SDK1: variants seen among roughly 807,000 people sequenced by gnomAD.
SDK1 encodes the protein sidekick cell adhesion molecule 1, also known as protein sidekick-1.
Under a neutral mutation model 245.5 loss-of-function variants are expected in SDK1, and 157 were observed. The ratio of observed to expected loss-of-function variants is 0.64; its 90% CI spans 0.56 to 0.73. The LOEUF (loss-of-function observed/expected upper bound fraction) is 0.73, where lower values mean the gene tolerates loss of function less well. Ranked by LOEUF, SDK1 falls within the 30% of genes least tolerant of loss-of-function variation. SDK1 has a pLI of 0.00. For synonymous variants in SDK1, 1,647 were observed against 1,278.5 expected (o/e 1.29, Z -6.15); for missense variants, 3,583 against 3,002.3 (o/e 1.19, Z -4.52).
intron 1 of SDK1, among the ~76,000 whole-genome samples, chr7:3,383,871 T>C (rs1781548002): frequency 6.6e-6 from 1 of 152,240 alleles, no homozygotes; most frequent in South Asian, 2.1e-4. Flanking sequence ...AAAAATATTT[T>C]CTCTTTAGAG....
chr7:3,939,960 A>G (rs918453071), intron 5 of SDK1, among the ~76,000 whole-genome samples: 1 of 152,256 alleles, frequency 6.6e-6, no homozygotes, highest in Non-Finnish European at 1.5e-5. Flanking sequence ...CCAGCCCATG[A>G]AAAACCACCA....
chr7:3,480,160 T>G (rs1351374411), intron 1 of SDK1, among the ~76,000 whole-genome samples: 2 of 152,182 alleles, frequency 1.3e-5, no homozygotes, highest in Non-Finnish European at 2.9e-5. Flanking sequence ...GGGTCCAGTA[T>G]AATCACAAGT....
chr7:3,537,033 A>C (rs1393272601), intron 1 of SDK1, among the ~76,000 whole-genome samples: 1 of 152,202 alleles, frequency 6.6e-6, no homozygotes, highest in Non-Finnish European at 1.5e-5. Flanking sequence ...ACAGATTTTA[A>C]CTATACCCTC....
chr7:3,353,935 G>T (rs1780726446), intron 1 of SDK1, among the ~76,000 whole-genome samples: 1 of 152,066 alleles, frequency 6.6e-6, no homozygotes, highest in South Asian at 2.1e-4. Context: ...GACTTGCTCA[G>T]GGAACACATT....
At chr7:4,202,606 G>T (rs78659117) in intron 35 of SDK1, among the ~76,000 whole-genome samples, 1 of 152,166 alleles carries the variant, frequency 6.6e-6, no homozygotes, top group East Asian at 1.9e-4. Context: ...ATGACCTTCC[G>T]CCTGGCGGAC....
In SDK1 at chr7:4,158,557, C is replaced by T. The variant is rs1780914161; in HGVS notation, c.4729+6C>T. On this transcript the variant is annotated splice_donor_region_variant and intron_variant, in intron 31 of 44. Coordinates refer to ENST00000404826, the MANE Select transcript of SDK1 (RefSeq NM_152744.4). ...GGTGACCACGCTGCAGGATGGTGAG[C>T]AACCCGGGGCCCAGACCGCGTTCCT... 6.2e-7 allele frequency: 1 copy of T among 1,605,214 alleles called. No homozygotes were observed. The highest frequency in any genetic ancestry group is 8.5e-7 in the Non-Finnish European group (1 of 1,172,748).
chr7:3,621,392 A>C (rs1170000407), intron 2 of SDK1, among the ~76,000 whole-genome samples: 1 of 152,160 alleles, frequency 6.6e-6, no homozygotes, highest in African/African-American at 2.4e-5. Context: ...CATTTTTATG[A>C]GAGTTCTCTT....
chr7:4,194,686 C>T (rs1479948361), intron 35 of SDK1, among the ~76,000 whole-genome samples: 3 of 152,130 alleles, frequency 2.0e-5, no homozygotes, highest in Admixed American at 1.3e-4. Flanking sequence ...ACTCATTTCA[C>T]GTTTTTTCTG....
chr7:4,011,985 A>C, intron 15 of SDK1, 110 bp from the exon 16 acceptor site: 5 of 1,013,626 alleles, frequency 4.9e-6, no homozygotes, highest in Non-Finnish European at 6.7e-6. Context: ...CTGAAACCCG[A>C]TTTTTGTGAA....
intron 1 of SDK1, among the ~76,000 whole-genome samples, chr7:3,523,123 G>A (rs1782998562): frequency 6.6e-6 from 1 of 152,104 alleles, no homozygotes; most frequent in Non-Finnish European, 1.5e-5. Flanking sequence ...ATTGGAAATG[G>A]CAATATTTGT....
At chr7:3,306,220 C>T (rs1181585859) in intron 1 of SDK1, among the ~76,000 whole-genome samples, 1 of 152,124 alleles carries the variant, frequency 6.6e-6, no homozygotes, top group Non-Finnish European at 1.5e-5. Context: ...ATAAAAATTA[C>T]ATAATTTGGA....
intron 4 of SDK1, among the ~76,000 whole-genome samples, chr7:3,684,873 G>C (rs1784229496): frequency 6.6e-6 from 1 of 152,242 alleles, no homozygotes; most frequent in Admixed American, 6.5e-5. Context: ...CTCAATAGTA[G>C]AATAGAGATG....
chr7:3,418,998 T>A (rs570174584), intron 1 of SDK1, among the ~76,000 whole-genome samples: 101 of 152,342 alleles, frequency 6.6e-4, no homozygotes, highest in African/African-American at 2.3e-3. Flanking sequence ...ACAAAGAATG[T>A]TATATCAAAA....
intron 1 of SDK1, among the ~76,000 whole-genome samples, chr7:3,465,738 C>G (rs1222305241): frequency 6.6e-6 from 1 of 152,144 alleles, no homozygotes; most frequent in African/African-American, 2.4e-5. Flanking sequence ...GAAGGAGTGT[C>G]CTGTCAGCCA....
intron 34 of SDK1, 62 bp from the exon 35 acceptor site, chr7:4,178,423 A>T: frequency 1.6e-6 from 2 of 1,228,550 alleles, no homozygotes; most frequent in Middle Eastern, 1.9e-4. Flanking sequence ...CATAGGGGGA[A>T]CTTTGGAGAA....
chr7:3,316,886 AAG>A (rs1374513239), intron 1 of SDK1, among the ~76,000 whole-genome samples: 1 of 152,132 alleles, frequency 6.6e-6, no homozygotes, highest in Non-Finnish European at 1.5e-5. Context: ...ACCTTTTAAA[AAG>A]GGTCTGGGGG....
chr7:3,869,733 TG>T (rs1234372453), intron 5 of SDK1, among the ~76,000 whole-genome samples: 1 of 152,236 alleles, frequency 6.6e-6, no homozygotes, highest in Non-Finnish European at 1.5e-5. Context: ...TGAGAGACAC[TG>T]GCTCTCTCAG....
chr7:3,827,015 C>T (rs1399773862), intron 5 of SDK1, among the ~76,000 whole-genome samples: 1 of 152,162 alleles, frequency 6.6e-6, no homozygotes, highest in Non-Finnish European at 1.5e-5. Context: ...ATGCCTCCTT[C>T]ACCATATCCC....
intron 35 of SDK1, among the ~76,000 whole-genome samples, chr7:4,198,316 G>C (rs10238814): frequency 0.53 from 81,011 of 152,058 alleles, 22,035 homozygotes; most frequent in African/African-American, 0.6. Flanking sequence ...CCTGACAGCT[G>C]TAGGGTTAAA....
Sources: allele counts gnomAD v4.1 joint callset (sites outside exome capture counted in the v4.1 genomes callset), GRCh38; gene constraint gnomAD v4.1.1; transcripts MANE v1.5; gene names NCBI Gene and HGNC (gene_info 2026-07-23, HGNC 2026-07-21).